Variants in SPIN2A observed in about 807,000 individuals in gnomAD.
SPIN2A encodes spindlin-2A.
A neutral mutation model predicts 9.2 loss-of-function variants in SPIN2A; 4 were observed. The observed-to-expected ratio is 0.44, with a 90% CI of 0.21 to 1.00. The LOEUF (loss-of-function observed/expected upper bound fraction) is 1.00. SPIN2A is among the 50% of genes least tolerant of loss of function. The pLI is 0.26. For missense variants in SPIN2A, 77 were observed against 172.8 expected, an observed-to-expected ratio of 0.45 and a Z score of 3.11; for synonymous variants, 25 against 61.2, an observed-to-expected ratio of 0.41 and a Z score of 2.76.
At chrX:57,140,418 A>C (rs1157711324), upstream of SPIN2A, among the ~76,000 whole-genome samples, 4 of 37,582 alleles carry the variant, frequency 1.1e-4, no homozygotes, top group East Asian at 3.2e-3. Context: ...CATCTCTACC[A>C]AAAAAAAAAA....
intron 1 of SPIN2A, 181 bp downstream of exon 1, chrX:57,137,079 C>T (rs1011586285): frequency 2.2e-4 from 173 of 790,972 alleles, no homozygotes; most frequent in Admixed American, 7.1e-5. Flanking sequence ...CTATTCCTAC[C>T]CCCTTTCCCT....
At chrX:57,138,153 A>G (rs997784026), upstream of SPIN2A, among the ~76,000 whole-genome samples, 1 of 112,256 alleles carries the variant, frequency 8.9e-6, no homozygotes, top group African/African-American at 3.2e-5. Context: ...TGTGATTACA[A>G]TACTTAACAA....
chrX:57,142,154 G>T (rs775276344), upstream of SPIN2A, among the ~76,000 whole-genome samples: 26 of 111,741 alleles, frequency 2.3e-4, no homozygotes, highest in South Asian at 9.3e-3. Context: ...CTCAAGGTTT[G>T]ATTTGTTCTT....
At chrX:57,139,020 T>A (rs1277909842), upstream of SPIN2A, among the ~76,000 whole-genome samples, 1 of 112,165 alleles carries the variant, frequency 8.9e-6, no homozygotes, top group Non-Finnish European at 1.9e-5. Flanking sequence ...TGTCTCTTCA[T>A]TTTATGATTG....
At chrX:57,136,894 C>T in intron 1 of SPIN2A, 7 of 677,712 alleles carry the variant, frequency 1.0e-5, no homozygotes, top group Non-Finnish European at 1.5e-5. Context: ...TTACCCTTTA[C>T]TGCCACTAGC....
chrX:57,143,046 A>AT, the SPIN2A span, among the ~76,000 whole-genome samples: 1 of 111,190 alleles, frequency 9.0e-6, no homozygotes, highest in Non-Finnish European at 1.9e-5. Context: ...TTTGGGTCTT[A>AT]TTTTTTGATT....
chrX:57,137,401 T>G (rs1238790255), upstream of SPIN2A: 10 of 735,201 alleles, frequency 1.4e-5, no homozygotes, highest in Non-Finnish European at 1.6e-5. Flanking sequence ...CAAAGAGCAC[T>G]GCAGCGGTGT....
the SPIN2A span, among the ~76,000 whole-genome samples, chrX:57,142,803 A>G: frequency 2.7e-5 from 3 of 111,762 alleles, no homozygotes; most frequent in East Asian, 8.3e-4. Context: ...GGATGCATAT[A>G]TATTTACAAT....
At chrX:57,144,898 ATG>A in the SPIN2A span, among the ~76,000 whole-genome samples, 1 of 90,564 alleles carries the variant, frequency 1.1e-5, no homozygotes, top group East Asian at 3.3e-4. Flanking sequence ...ATATATATAT[ATG>A]TATGTATATG....
chrX:57,140,009 A>G (rs1042924336), upstream of SPIN2A, among the ~76,000 whole-genome samples: 29 of 111,384 alleles, frequency 2.6e-4, no homozygotes, highest in African/African-American at 9.5e-4. Flanking sequence ...ATACTTTTCT[A>G]TTTTTGTGTT....
upstream of SPIN2A, among the ~76,000 whole-genome samples, chrX:57,137,844 C>A (rs923184187): frequency 1.1e-4 from 12 of 111,415 alleles, no homozygotes; most frequent in African/African-American, 3.9e-4. Flanking sequence ...GAATCCTTTA[C>A]GACCATATGC....
At chrX:57,140,594 G>A (rs56222206), upstream of SPIN2A, among the ~76,000 whole-genome samples, 11,285 of 66,158 alleles carry the variant, frequency 0.17, 1,847 homozygotes, top group African/African-American at 0.57. Context: ...GCGAGACCCC[G>A]TCTCAAAAAA....
At chrX:57,139,588 G>A (rs1302808730), upstream of SPIN2A, among the ~76,000 whole-genome samples, 1 of 110,987 alleles carries the variant, frequency 9.0e-6, no homozygotes, top group African/African-American at 3.3e-5. Flanking sequence ...CGAGTAGCTG[G>A]AACCACAGGT....
Position 57,135,718 on chromosome X carries a change from T to A in SPIN2A, c.*103A>T. 2 of 1,140,300 alleles carry A rather than the reference T, an allele frequency of 1.8e-6. No individual in the cohort carries two copies. The highest frequency in any genetic ancestry group is 2.3e-6 in the Non-Finnish European group (2 of 860,138). The allele number at this position is 1,140,300 out of a possible 1,213,427, so 94.0% of individuals were successfully genotyped here. Reference sequence around the variant, plus strand: ...TAATGCTGGCAAAGATGTTTAGTTATCAGGGATTCCATAAGCTTTCAGTAC... The same window carrying A: ...TAATGCTGGCAAAGATGTTTAGTTAACAGGGATTCCATAAGCTTTCAGTAC... On this transcript the variant is annotated 3_prime_UTR_variant, in exon 2 of 2. Transcript: ENST00000374906.
At chrX:57,142,174 C>T (rs1237863489), upstream of SPIN2A, among the ~76,000 whole-genome samples, 1 of 111,655 alleles carries the variant, frequency 9.0e-6, no homozygotes, top group Non-Finnish European at 1.9e-5. Flanking sequence ...TAATTTTCTA[C>T]TTCTTTAAGG....
chrX:57,137,056 C>T, intron 1 of SPIN2A: 1 of 815,804 alleles, frequency 1.2e-6, no homozygotes. Flanking sequence ...ACCTTCAAAT[C>T]CTTGTCTGGC....
At chrX:57,135,088 A>G (rs1289612371), downstream of SPIN2A, 7 of 111,257 alleles carry the variant, frequency 6.3e-5, no homozygotes, top group African/African-American at 2.3e-4. Context: ...CTTTTCCTGT[A>G]TTCTCACTCC....
chrX:57,138,966 C>T (rs1489096873), upstream of SPIN2A, among the ~76,000 whole-genome samples: 3 of 111,535 alleles, frequency 2.7e-5, no homozygotes, highest in South Asian at 3.7e-4. Context: ...TTATTAATCC[C>T]GTCAGTTGAA....
chrX:57,137,869 GTA>G (rs748711518), upstream of SPIN2A, among the ~76,000 whole-genome samples: 2 of 109,345 alleles, frequency 1.8e-5, no homozygotes, highest in Admixed American at 9.8e-5. Flanking sequence ...GTGTATGTAT[GTA>G]TATATATATA....
Sources: allele counts gnomAD v4.1 joint callset (sites outside exome capture counted in the v4.1 genomes callset), GRCh38; gene constraint gnomAD v4.1.1; transcripts MANE v1.5; gene names NCBI Gene and HGNC (gene_info 2026-07-23, HGNC 2026-07-21).